Variants in PTPRN2 observed in about 807,000 individuals in gnomAD.
PTPRN2 encodes the protein protein tyrosine phosphatase receptor type N2, also known as receptor-type tyrosine-protein phosphatase N2.
A neutral mutation model predicts 118.8 loss-of-function variants in PTPRN2; 74 were observed. That is an observed-to-expected ratio of 0.62 (90% CI 0.52 to 0.76). PTPRN2 has a LOEUF of 0.76. Ranked by LOEUF, PTPRN2 falls within the 30% of genes least tolerant of loss-of-function variation. The pLI, the probability that PTPRN2 is intolerant of heterozygous loss-of-function variation, is 0.00. For missense variants in PTPRN2, 1,481 were observed against 1,394.4 expected (o/e 1.06, Z -0.99); for synonymous variants, 641 against 608.0 (o/e 1.05, Z -0.80).
At chr7:157,602,020 T>A (rs1801697872) in intron 16 of PTPRN2, among the ~76,000 whole-genome samples, 2 of 152,218 alleles carry the variant, frequency 1.3e-5, no homozygotes, top group Admixed American at 1.3e-4. Context: ...TTTGGTTTGA[T>A]GTTTTTGAAT....
chr7:158,102,223 G>A lies in PTPRN2; in HGVS notation c.1643+8606C>T, dbSNP rs143560969. ...TTCAGAAAACACTGAGCCCCTGTGC[G>A]CCTGAGCCACGGCCTTCCACGTGCT... On this transcript the variant is annotated intron_variant, in intron 10 of 22. Coordinates refer to ENST00000389418, the MANE Select transcript of PTPRN2 (RefSeq NM_002847.5). Among the ~76,000 whole-genome samples, 55 of 152,314 alleles carry A rather than the reference G, an allele frequency of 3.6e-4. No individual in the cohort carries two copies. The East Asian group carries it at 4.6e-3, about 13-fold the overall frequency.
chr7:158,177,695 T>G (rs1296914516), intron 5 of PTPRN2, among the ~76,000 whole-genome samples: 4 of 152,258 alleles, frequency 2.6e-5, no homozygotes, highest in Non-Finnish European at 5.9e-5. Context: ...TGCTGTTTCA[T>G]GCATCAACAG....
At chr7:157,796,769 C>T (rs537638656) in intron 12 of PTPRN2, among the ~76,000 whole-genome samples, 6 of 152,154 alleles carry the variant, frequency 3.9e-5, no homozygotes, top group Non-Finnish European at 5.9e-5. Context: ...TGGGCGTAGG[C>T]GCAAGGTGGG....
chr7:158,236,781 A>G (rs1445841287), intron 3 of PTPRN2, among the ~76,000 whole-genome samples: 1 of 61,496 alleles, frequency 1.6e-5, no homozygotes, highest in Non-Finnish European at 3.0e-5. Flanking sequence ...TCCCTGCCCG[A>G]CCACTCTGCT....
intron 3 of PTPRN2, among the ~76,000 whole-genome samples, chr7:158,229,019 T>C (rs1407819540): frequency 6.6e-6 from 1 of 151,984 alleles, no homozygotes; most frequent in Non-Finnish European, 1.5e-5. Flanking sequence ...GCTCCACAGG[T>C]CCCCTCAGCA....
At chr7:157,876,043 G>T (rs1584931080) in intron 12 of PTPRN2, among the ~76,000 whole-genome samples, 1 of 152,212 alleles carries the variant, frequency 6.6e-6, no homozygotes, top group East Asian at 1.9e-4. Flanking sequence ...TGGCCTAGAG[G>T]TGTTCCTGGC....
At chr7:158,258,247 G>T (rs1378447296) in intron 3 of PTPRN2, among the ~76,000 whole-genome samples, 1 of 152,174 alleles carries the variant, frequency 6.6e-6, no homozygotes, top group Admixed American at 6.5e-5. Context: ...CCTGCTCCAG[G>T]GTGAACACAG....
intron 1 of PTPRN2, among the ~76,000 whole-genome samples, chr7:158,527,316 G>A (rs1428942153): frequency 2.6e-5 from 4 of 152,070 alleles, no homozygotes; most frequent in African/African-American, 7.3e-5. Flanking sequence ...CGCCACCGGA[G>A]CCACTTCACT....
rs375101810 is a variant in PTPRN2 at position 157,709,849 on chromosome 7, A to T, written c.1789-26912T>A. 2.6e-5 allele frequency among the ~76,000 whole-genome samples: 4 copies of T among 152,364 alleles called. No individual in the cohort carries two copies. The East Asian group carries it at 7.7e-4, about 29-fold the overall frequency. ...CTGGAATTCAAGGATGGACAATGAA[A>T]GCCCAGAGACAGAATCCTCATCAGT... On this transcript the variant is annotated intron_variant, in intron 12 of 22. Transcript: ENST00000389418.
chr7:158,082,721 A>T (rs1370688041), intron 10 of PTPRN2, among the ~76,000 whole-genome samples: 1 of 152,216 alleles, frequency 6.6e-6, no homozygotes, highest in Non-Finnish European at 1.5e-5. Flanking sequence ...ACCCTTGGAA[A>T]ATGCACCATG....
intron 12 of PTPRN2, among the ~76,000 whole-genome samples, chr7:157,713,078 C>T (rs1205130398): frequency 6.6e-6 from 1 of 152,212 alleles, no homozygotes; most frequent in Non-Finnish European, 1.5e-5. Flanking sequence ...GTGAGCCATG[C>T]GCATCCCCTG....
At chr7:158,295,096 A>G (rs535421874) in intron 3 of PTPRN2, among the ~76,000 whole-genome samples, 2 of 104,186 alleles carry the variant, frequency 1.9e-5, no homozygotes, top group Admixed American at 1.1e-4. Flanking sequence ...ATTGCACCAC[A>G]TCATGGTTCA....
At chr7:158,405,766 C>T (rs1017230398) in intron 2 of PTPRN2, among the ~76,000 whole-genome samples, 11 of 152,264 alleles carry the variant, frequency 7.2e-5, no homozygotes, top group Admixed American at 1.3e-4. Context: ...CTGCATACCA[C>T]GACCACAAGT....
intron 2 of PTPRN2, among the ~76,000 whole-genome samples, chr7:158,405,700 G>A (rs1563252125): frequency 6.6e-6 from 1 of 152,248 alleles, no homozygotes; most frequent in Non-Finnish European, 1.5e-5. Context: ...ACTTATCTGT[G>A]TGTGGAGCCT....
At chr7:157,850,739 A>G (rs1809214829) in intron 12 of PTPRN2, among the ~76,000 whole-genome samples, 1 of 152,204 alleles carries the variant, frequency 6.6e-6, no homozygotes. Flanking sequence ...GGGCAGGTGC[A>G]GGCTGGGGCA....
intron 1 of PTPRN2, among the ~76,000 whole-genome samples, chr7:158,561,871 T>C (rs1268960395): frequency 6.6e-6 from 1 of 151,872 alleles, no homozygotes; most frequent in Non-Finnish European, 1.5e-5. Context: ...CCACTGCCCG[T>C]GGCCCTGGAA....
chr7:157,576,111 A>G (rs1204355454), intron 19 of PTPRN2, among the ~76,000 whole-genome samples: 1 of 152,214 alleles, frequency 6.6e-6, no homozygotes, highest in African/African-American at 2.4e-5. Context: ...GGAGCAATGA[A>G]CAAAAAACTG....
At chr7:158,365,568 C>T (rs1002487602) in intron 2 of PTPRN2, among the ~76,000 whole-genome samples, 1 of 152,210 alleles carries the variant, frequency 6.6e-6, no homozygotes, top group African/African-American at 2.4e-5. Flanking sequence ...CCCGTTAGAA[C>T]TGGCATGCGT....
intron 3 of PTPRN2, among the ~76,000 whole-genome samples, chr7:158,297,864 A>G (rs1308505133): frequency 6.6e-6 from 1 of 152,202 alleles, no homozygotes; most frequent in Non-Finnish European, 1.5e-5. Flanking sequence ...AATGTGGACT[A>G]CTCTTACTGA....
Sources: gnomAD v4.1 joint callset for allele counts (sites outside exome capture counted in the v4.1 genomes callset) on GRCh38, gnomAD v4.1.1 for gene constraint, MANE v1.5 for transcripts, NCBI Gene and HGNC (gene_info 2026-07-23, HGNC 2026-07-21) for gene names.